UNC119: variants seen among roughly 807,000 people sequenced by gnomAD.
UNC119 encodes protein unc-119 homolog A.
Under a neutral mutation model 22.6 loss-of-function variants are expected in UNC119, and 15 were observed. The ratio of observed to expected loss-of-function variants is 0.66; its 90% CI spans 0.44 to 1.02. The LOEUF is 1.02. Among genes scored for constraint, UNC119 ranks in the 50% least tolerant of loss-of-function variants. UNC119 has a pLI of 0.00. For synonymous variants in UNC119, 138 were observed against 139.4 expected, an observed-to-expected ratio of 0.99 and a Z score of 0.07; for missense variants, 322 against 336.0, an observed-to-expected ratio of 0.96 and a Z score of 0.33.
chr17:28,552,238 G>A (rs1191045960), intron 1 of UNC119, 100 bp downstream of exon 1: 2 of 1,135,548 alleles, frequency 1.8e-6, no homozygotes, highest in Non-Finnish European at 2.5e-6. Flanking sequence ...GGGAGGGGAG[G>A]CGGGAAAGGG....
Position 28,547,231 on chromosome 17 carries a change from A to G in UNC119, c.*66T>C. On this transcript the variant is annotated 3_prime_UTR_variant, in exon 5 of 5. Transcript: ENST00000335765. ...GCAGAGGACTTGGGGTTGAGGGGTG[A>G]GCGTTGGGGAGGTCACAGCTCCCAG... 6.3e-7 allele frequency: 1 copy of G among 1,587,046 alleles called. No individual in the cohort carries two copies. The highest frequency in any genetic ancestry group is 8.6e-7 in the Non-Finnish European group (1 of 1,160,482).
rs191914357 is a variant in UNC119, at chr17:28,547,519, C to T, written c.611-110G>A. The T allele has an allele frequency of 3.8e-6, 6 of 1,584,196 alleles. No homozygotes were observed. The Admixed American group carries it at 7.3e-5, about 19-fold the overall frequency. ...ACAGCCAAACAGCCTGAAATATCCC[C>T]AGCCTCTTTCTCTACGGATGATATG... On this transcript the variant is annotated intron_variant, in intron 4 of 4. Coordinates refer to ENST00000335765, the MANE Select transcript of UNC119 (RefSeq NM_005148.4).
At position 28,547,701 on chromosome 17, in the gene UNC119, A is replaced by G. The variant is rs145972313; in HGVS notation, c.586T>C (p.Phe196Leu). Residue 196 changes from phenylalanine to leucine, a missense_variant, in exon 4 of 5, where the codon TTC becomes CTC. Transcript: ENST00000335765. ...CTCAGCTCCTCGGAGAGAGGGGGGA[A>G]GTCGTAAATGTGCTCGCAGGTGTTC... The part of the protein sequence containing the change: ...SKNTCEHIYD[F>L]PPLSEELISE... 76 of 1,614,160 alleles carry G rather than the reference A, an allele frequency of 4.7e-5. No homozygotes were observed. The African/African-American group carries it at 5.5e-4, about 12-fold the overall frequency.
In UNC119 at chr17:28,547,701, A is replaced by C. The variant is rs145972313; in HGVS notation, c.586T>G (p.Phe196Val). 2 of 1,614,160 alleles carry C rather than the reference A, an allele frequency of 1.2e-6. No homozygotes were observed. The highest frequency in any genetic ancestry group is 2.2e-5 in the East Asian group (1 of 44,890). The change falls in exon 4 of 5, where the codon TTC (phenylalanine) becomes GTC (valine). Residue 196 changes from phenylalanine (F) to valine (V), a missense_variant. By Grantham distance (50) the Phe-to-Val change is conservative. Coordinates refer to ENST00000335765, the MANE Select transcript of UNC119 (RefSeq NM_005148.4). ...CTCAGCTCCTCGGAGAGAGGGGGGA[A>C]GTCGTAAATGTGCTCGCAGGTGTTC... is the stretch of plus-strand genomic sequence containing the variant. Reference protein sequence around the residue: ...SKNTCEHIYDFPPLSEELISE... With the variant: ...SKNTCEHIYDVPPLSEELISE...
chr17:28,552,599 C>T lies in UNC119; in HGVS notation c.-42G>A. Reference sequence around the variant, plus strand: ...GGCTCGCCTGCTGCTGCCGCCGCTGCCTGCGCCGGCTGGAGCCGGGGGAAG... The same window carrying T: ...GGCTCGCCTGCTGCTGCCGCCGCTGTCTGCGCCGGCTGGAGCCGGGGGAAG... On this transcript the variant is annotated 5_prime_UTR_variant, in exon 1 of 5. Transcript: ENST00000335765. 8 of 1,467,990 alleles carry T rather than the reference C, an allele frequency of 5.4e-6. No homozygotes were observed. The highest frequency in any genetic ancestry group is 7.2e-6 in the Non-Finnish European group (8 of 1,113,046). The allele number at this position is 1,467,990 out of a possible 1,614,324, so 90.9% of individuals were successfully genotyped here.
At chr17:28,549,105 A>G (rs1273494743) in intron 1 of UNC119, 1 of 191,336 alleles carries the variant, frequency 5.2e-6, no homozygotes, top group African/African-American at 2.3e-5. Flanking sequence ...CTCTTCTCAT[A>G]TGGGAACAAC....
chr17:28,548,778 C>CA, intron 1 of UNC119, 73 bp from the exon 2 acceptor site: 2 of 1,179,932 alleles, frequency 1.7e-6, no homozygotes, highest in Non-Finnish European at 2.5e-6. Flanking sequence ...GTGTGGGACC[C>CA]CAGAGTAGCT....
chr17:28,547,975 A>G (rs778180208), intron 3 of UNC119, 24 bp downstream of exon 3: 17 of 1,613,248 alleles, frequency 1.1e-5, no homozygotes, highest in Middle Eastern at 1.6e-4. Context: ...CACCCCCACC[A>G]CCACCCATAG....
chr17:28,552,139 A>T, intron 1 of UNC119, 199 bp downstream of exon 1: 1 of 711,368 alleles, frequency 1.4e-6, no homozygotes, highest in Middle Eastern at 2.7e-4. Context: ...AAGGAGGCAC[A>T]GAGAGAGATC....
chr17:28,548,085 G>A lies in UNC119; in HGVS notation c.351C>T (p.Asn117=). The change falls in exon 3 of 5, where the codon AAC becomes AAT. Residue 117 remains asparagine, a synonymous_variant. Coordinates refer to ENST00000335765, the MANE Select transcript of UNC119 (RefSeq NM_005148.4). ...KPPVSERLPI[N]RRDLDPNAGR... is the part of the protein sequence containing the mutation. ...CAGCATTGGGGTCCAGGTCCCGCCGGTTGATGGGCAACCGTTCTGCAATGT... is the reference window on the plus strand; with the variant it reads ...CAGCATTGGGGTCCAGGTCCCGCCGATTGATGGGCAACCGTTCTGCAATGT... The A allele has an allele frequency of 6.2e-7, 1 of 1,613,642 alleles. No individual in the cohort carries two copies. The highest frequency in any genetic ancestry group is 8.5e-7 in the Non-Finnish European group (1 of 1,179,948).
chr17:28,552,471 T>A lies in UNC119; in HGVS notation c.87A>T (p.Pro29=). 1 of 1,578,208 alleles carries A rather than the reference T, an allele frequency of 6.3e-7. No individual in the cohort carries two copies. The highest frequency in any genetic ancestry group is 2.3e-5 in the East Asian group (1 of 42,992). ...CAGATTCGGATTCCGCAGGCGGCTG[T>A]GGTATGGGGGCCACGCTCTGGCCCG... ...GPSGQSVAPI[P]QPPAESESGS... Residue 29 remains proline, a synonymous_variant, in exon 1 of 5, where the codon CCA becomes CCT. Transcript: ENST00000335765.
rs2070214512 is a variant in UNC119 at position 28,547,179 on chromosome 17, G to A, written c.*118C>T. Reference sequence around the variant, plus strand: ...CCCTTCCTCCCAACATTGACTCAGGGTCCGGAGCTCCTGGAGAACTCCCCA... The same window carrying A: ...CCCTTCCTCCCAACATTGACTCAGGATCCGGAGCTCCTGGAGAACTCCCCA... On this transcript the variant is annotated 3_prime_UTR_variant, in exon 5 of 5. Coordinates refer to ENST00000335765, the MANE Select transcript of UNC119 (RefSeq NM_005148.4). 1 of 1,235,436 alleles carries A rather than the reference G, an allele frequency of 8.1e-7. No homozygotes were observed. Among genetic ancestry groups the A allele is most frequent in the Admixed American group, 2.0e-5 (1 of 50,576 alleles). The allele number at this position is 1,235,436 out of a possible 1,614,324, so 76.5% of individuals were successfully genotyped here.
rs1201248165 is a variant in UNC119, at chr17:28,547,107, G to A, written c.*190C>T. ...CAGCCTCCCTACGACCCCACCCCAT[G>A]TAGCAGGCCGCATGGGCTTCATGGG... On this transcript the variant is annotated 3_prime_UTR_variant, in exon 5 of 5. Transcript: ENST00000335765. 2 of 678,386 alleles carry A rather than the reference G, an allele frequency of 2.9e-6. No individual in the cohort carries two copies. Among genetic ancestry groups the A allele is most frequent in the Admixed American group, 4.5e-5 (2 of 44,076 alleles). The allele number at this position is 678,386 out of a possible 1,614,324, so 42.0% of individuals were successfully genotyped here.
At position 28,547,120 on chromosome 17, in the gene UNC119, T is replaced by C. The variant is rs2070213577; in HGVS notation, c.*177A>G. 1 of 742,204 alleles carries C rather than the reference T, an allele frequency of 1.3e-6. No individual in the cohort carries two copies. The highest frequency in any genetic ancestry group is 1.7e-5 in the African/African-American group (1 of 57,572). The allele number at this position is 742,204 out of a possible 1,614,324, so 46.0% of individuals were successfully genotyped here. A position where few individuals can be genotyped will look rare whatever the true frequency, so the allele number is the denominator to read the frequency against. On this transcript the variant is annotated 3_prime_UTR_variant, in exon 5 of 5. Coordinates refer to ENST00000335765, the MANE Select transcript of UNC119 (RefSeq NM_005148.4). ...ACCCCACCCCATGTAGCAGGCCGCA[T>C]GGGCTTCATGGGCTTGACTGGGGAC... is the stretch of plus-strand genomic sequence containing the variant.
In UNC119 at chr17:28,552,533, C is replaced by A; in HGVS notation, c.25G>T (p.Gly9Trp). 6.5e-7 allele frequency: 1 copy of A among 1,542,228 alleles called. No individual in the cohort carries two copies. ...GCGGACTCCGTCGCCGTCCCGGCCC[C>A]ACCGCCGCCCTTCTTCACCTTCATG... MKVKKGGG[G>W]AGTATESAPG... Residue 9 changes from glycine to tryptophan, a missense_variant, in exon 1 of 5, where the codon GGG becomes TGG. By Grantham distance (184) the Gly-to-Trp change is radical. Transcript: ENST00000335765.
intron 2 of UNC119, 191 bp from the exon 3 acceptor site, chr17:28,548,292 C>T (rs1254468560): frequency 1.3e-5 from 8 of 638,238 alleles, no homozygotes; most frequent in Non-Finnish European, 2.2e-5. Flanking sequence ...TCCCAATCGC[C>T]ACTGTGCTTC....
At chr17:28,550,350 G>A (rs750494932) in intron 1 of UNC119, 1 of 152,238 alleles carries the variant, frequency 6.6e-6, no homozygotes, top group Non-Finnish European at 1.5e-5. Context: ...AACTTTTGGA[G>A]CCTCTCTCAT....
At chr17:28,550,097 T>C (rs1006989938) in intron 1 of UNC119, 5 of 152,242 alleles carry the variant, frequency 3.3e-5, no homozygotes, top group African/African-American at 1.2e-4. Flanking sequence ...GCATGGACTT[T>C]ATACAGCTTG....
chr17:28,552,281 C>A (rs2070282047), intron 1 of UNC119, 57 bp downstream of exon 1: 2 of 1,478,294 alleles, frequency 1.4e-6, no homozygotes, highest in Non-Finnish European at 9.1e-7. Flanking sequence ...GCCGGGAGGG[C>A]CCCTCGCACC....
Sources: allele counts gnomAD v4.1 joint callset, GRCh38; gene constraint gnomAD v4.1.1; transcripts MANE v1.5; gene names NCBI Gene and HGNC (gene_info 2026-07-23, HGNC 2026-07-21).